LTBP4: variants seen among roughly 807,000 people sequenced by gnomAD.
The protein encoded by LTBP4 is latent-transforming growth factor beta-binding protein 4.
Under a neutral mutation model 180.2 loss-of-function variants are expected in LTBP4, and 93 were observed. The observed-to-expected ratio is 0.52, with a 90% confidence interval of 0.44 to 0.61. The LOEUF (loss-of-function observed/expected upper bound fraction) is 0.61, where lower values mean the gene tolerates loss of function less well. LTBP4 is among the 20% of genes least tolerant of loss of function. LTBP4 has a pLI of 0.00. For synonymous variants in LTBP4, 947 were observed against 934.5 expected (o/e 1.01, Z -0.24); for missense variants, 2,116 against 2,256.5 (o/e 0.94, Z 1.26).
chr19:40,605,877 G>T lies in LTBP4; in HGVS notation c.793+46G>T. The T allele has an allele frequency of 6.6e-7, 1 of 1,517,142 alleles. No homozygotes were observed. Among genetic ancestry groups the T allele is most frequent in the South Asian group, 1.2e-5 (1 of 83,344 alleles). 94.0% of individuals were successfully genotyped at this position (1,517,142 alleles called of 1,614,324 possible). On this transcript the variant is annotated intron_variant, in intron 4 of 29. Transcript: ENST00000396819. This position sits in a 1 kb window ranked among gnomAD's most constrained non-coding sequence, Gnocchi z 5.5. ...GAAGTGCTCGGAGCTGGGGAGTGGT[G>T]ACAACCTCACCGTTCCTCCTACTCT...
chr19:40,617,120 C>T lies in LTBP4; in HGVS notation c.2965C>T (p.Arg989Trp), dbSNP rs532885786. The T allele has an allele frequency of 3.2e-5, 51 of 1,614,000 alleles. No homozygotes were observed. The East Asian group carries it at 6.9e-4, about 22-fold the overall frequency. Residue 989 changes from arginine to tryptophan, a missense_variant, in exon 21 of 30, where the codon CGG becomes TGG. Around this residue, in one of 5 missense-constraint regions of LTBP4, gnomAD observed 278 missense variants for 373.0 expected, o/e 0.75. Coordinates refer to ENST00000396819, the MANE Select transcript of LTBP4 (RefSeq NM_001042545.2). ...GCQDVDECRN[R>W]SFCGAHAVCQ... Reference sequence around the variant, plus strand: ...TGCAGATGTGGACGAATGCCGGAACCGGTCCTTCTGCGGTGCCCACGCCGT... The same window carrying T: ...TGCAGATGTGGACGAATGCCGGAACTGGTCCTTCTGCGGTGCCCACGCCGT...
rs2081477692 is a variant in LTBP4, at chr19:40,608,275, C to A, written c.1212C>A (p.Asp404Glu). Residue 404 changes from aspartate (D) to glutamate (E), a missense_variant, in exon 8 of 30, where the codon GAC becomes GAA. Physicochemically the swap from Asp to Glu is conservative, Grantham distance 45 (BLOSUM62 2). Transcript: ENST00000396819. ...CTGGTTACCACTACTCGGCCTCCGA[C>A]CTCCGCTACAACACCAGACCCCTGG... ...AGPGYHYSAS[D>E]LRYNTRPLGQ... The A allele has an allele frequency of 6.2e-7, 1 of 1,613,942 alleles. No individual in the cohort carries two copies. Among genetic ancestry groups the A allele is most frequent in the Non-Finnish European group, 8.5e-7 (1 of 1,179,882 alleles).
Position 40,605,219 on chromosome 19 carries a change from C to T in LTBP4, c.435C>T (p.Asp145=), listed in dbSNP as rs2081450496. ...TGCCACTGGCCAACCACCGCGACGA[C>T]GAGCACGGTGAGGAAAGGGTGGCCA... is the stretch of plus-strand genomic sequence containing the variant. ...YTMPLANHRD[D]EHGVASMVSV... is the part of the protein sequence containing the mutation. The change falls in exon 2 of 30, where the codon GAC becomes GAT. Residue 145 remains aspartate (D), a synonymous_variant. Coordinates refer to ENST00000396819, the MANE Select transcript of LTBP4 (RefSeq NM_001042545.2). The surrounding 1 kb of genome is among the most constrained non-coding windows in gnomAD (Gnocchi z 5.5). 5 of 1,593,470 alleles carry T rather than the reference C, an allele frequency of 3.1e-6. No individual in the cohort carries two copies. Among genetic ancestry groups the T allele is most frequent in the Non-Finnish European group, 3.4e-6 (4 of 1,170,008 alleles).
chr19:40,625,110 T>C (rs2146047840), intron 26 of LTBP4, among the ~76,000 whole-genome samples: 1 of 150,250 alleles, frequency 6.7e-6, no homozygotes, highest in East Asian at 2.0e-4. Flanking sequence ...AAGATCTCGC[T>C]CTGTCATCCA....
chr19:40,608,677 C>G, intron 9 of LTBP4, 74 bp downstream of exon 9: 1 of 1,512,090 alleles, frequency 6.6e-7, no homozygotes, highest in Admixed American at 2.0e-5. Flanking sequence ...TTTTGGGAGG[C>G]TGAGGAGGGT....
At chr19:40,600,851 C>T (rs2081418403), upstream of LTBP4, among the ~76,000 whole-genome samples, 2 of 152,128 alleles carry the variant, frequency 1.3e-5, 1 homozygote, top group Admixed American at 1.3e-4. The surrounding 1 kb of genome is among the most constrained non-coding windows in gnomAD (Gnocchi z 4.4). Context: ...CAGCCTCCTG[C>T]CCAGGATCTA....
At chr19:40,599,469 A>T, upstream of LTBP4, 1 of 1,613,836 alleles carries the variant, frequency 6.2e-7, no homozygotes, top group Non-Finnish European at 8.5e-7. Flanking sequence ...GCAGGCCCCC[A>T]GCGGTGCCTG....
chr19:40,608,133 T>G, intron 7 of LTBP4, 87 bp from the exon 8 acceptor site: 3 of 1,472,144 alleles, frequency 2.0e-6, no homozygotes, highest in Non-Finnish European at 2.8e-6. Context: ...AGCCAAGCCC[T>G]GCCCCTAGCC....
intron 1 of LTBP4, among the ~76,000 whole-genome samples, chr19:40,604,346 A>T (rs1158225516): frequency 6.6e-6 from 1 of 151,862 alleles, no homozygotes; most frequent in Non-Finnish European, 1.5e-5. Context: ...AATGCGAAGG[A>T]GACAGAGTTG....
chr19:40,610,257 G>A, intron 11 of LTBP4: 1 of 533,952 alleles, frequency 1.9e-6, no homozygotes, highest in Non-Finnish European at 3.3e-6. Context: ...CCACACCAGA[G>A]CCCTATCCCC....
At position 40,622,740 on chromosome 19, in the gene LTBP4, C is replaced by T; in HGVS notation, c.3484+73C>T. 2 of 1,509,934 alleles carry T rather than the reference C, an allele frequency of 1.3e-6. No homozygotes were observed. Among genetic ancestry groups the T allele is most frequent in the Non-Finnish European group, 1.8e-6 (2 of 1,127,792 alleles). The allele number at this position is 1,509,934 out of a possible 1,614,324, so 93.5% of individuals were successfully genotyped here. A position where few individuals can be genotyped will look rare whatever the true frequency, so the allele number is the denominator to read the frequency against. On this transcript the variant is annotated intron_variant, in intron 23 of 29. Coordinates refer to ENST00000396819, the MANE Select transcript of LTBP4 (RefSeq NM_001042545.2). This position sits in a 1 kb window ranked among gnomAD's most constrained non-coding sequence, Gnocchi z 5.1. ...TACTGGGTGGGGTGTGGGCCTGGGACAGGGGACACTTTTGGACAGGGCCTT... is the reference window on the plus strand; with the variant it reads ...TACTGGGTGGGGTGTGGGCCTGGGATAGGGGACACTTTTGGACAGGGCCTT...
At chr19:40,600,270 GC>G (rs2081414642), upstream of LTBP4, 4 of 579,390 alleles carry the variant, frequency 6.9e-6, no homozygotes, top group Non-Finnish European at 1.1e-5. The surrounding 1 kb of genome is among the most constrained non-coding windows in gnomAD (Gnocchi z 4.4). Flanking sequence ...CCGCCTACCC[GC>G]CCCCCGTTGT....
At chr19:40,604,148 G>A (rs935381665) in intron 1 of LTBP4, among the ~76,000 whole-genome samples, 3 of 152,100 alleles carry the variant, frequency 2.0e-5, no homozygotes, top group Non-Finnish European at 2.9e-5. Flanking sequence ...GTGAACAAGT[G>A]AGCCGGGCGA....
rs1262613587 is a variant in LTBP4 at position 40,629,130 on chromosome 19, T to C, written c.4520-266T>C. Among the ~76,000 whole-genome samples, 1 of 152,192 alleles carries C rather than the reference T, an allele frequency of 6.6e-6. No individual in the cohort carries two copies. The highest frequency in any genetic ancestry group is 1.5e-5 in the Non-Finnish European group (1 of 68,034). On this transcript the variant is annotated intron_variant, in intron 29 of 29. Coordinates refer to ENST00000396819, the MANE Select transcript of LTBP4 (RefSeq NM_001042545.2). The surrounding 1 kb of genome is among the most constrained non-coding windows in gnomAD (Gnocchi z 4.5). ...TCCCAAAGTGCTGAGATTACAGGCATGAGCCACCGCGCCCGGCCATTATTA... is the reference window on the plus strand; with the variant it reads ...TCCCAAAGTGCTGAGATTACAGGCACGAGCCACCGCGCCCGGCCATTATTA...
intron 1 of LTBP4, among the ~76,000 whole-genome samples, chr19:40,604,505 G>T (rs2081445159): frequency 6.6e-6 from 1 of 152,156 alleles, no homozygotes; most frequent in South Asian, 2.1e-4. Context: ...CTGGAACTCC[G>T]TGGACTCAGC....
In LTBP4 at chr19:40,606,646, C is replaced by T. The variant is rs184621360; in HGVS notation, c.991+120C>T. The stretch of plus-strand genomic sequence containing the variant: ...CCAGACTCCCGGGTTCCTCTGTCAG[C>T]CTTAGAGCCCCCTCAGAACTTCTCA... On this transcript the variant is annotated intron_variant, in intron 6 of 29. Coordinates refer to ENST00000396819, the MANE Select transcript of LTBP4 (RefSeq NM_001042545.2). 4.0e-5 allele frequency: 50 copies of T among 1,236,246 alleles called. No homozygotes were observed. In the African/African-American group the frequency reaches 7.4e-4, roughly 18 times the overall value. The allele number at this position is 1,236,246 out of a possible 1,614,324, so 76.6% of individuals were successfully genotyped here. A position where few individuals can be genotyped will look rare whatever the true frequency, so the allele number is the denominator to read the frequency against.
chr19:40,595,759 C>A (rs1239296485), intron 1 of LTBP4, among the ~76,000 whole-genome samples: 2 of 151,946 alleles, frequency 1.3e-5, no homozygotes, highest in African/African-American at 2.4e-5. Context: ...CTCACTCTAT[C>A]GTCCAGGCTG....
At chr19:40,618,866 T>A (rs2081567277) in intron 21 of LTBP4, among the ~76,000 whole-genome samples, 1 of 152,206 alleles carries the variant, frequency 6.6e-6, no homozygotes, top group Non-Finnish European at 1.5e-5. Context: ...ACAAGGCTAT[T>A]TCTATCTTCT....
At position 40,601,491 on chromosome 19, in the gene LTBP4, G is replaced by A; in HGVS notation, c.104G>A (p.Arg35His). ...CGGCTCGGAGAGCGTCTCCGCGTGCGCTTCACCCCGGTCGTGTGCGGCCTG... is the reference window on the plus strand; with the variant it reads ...CGGCTCGGAGAGCGTCTCCGCGTGCACTTCACCCCGGTCGTGTGCGGCCTG... ...LGRLGERLRVRFTPVVCGLRC... is the reference protein window; with the variant it reads ...LGRLGERLRVHFTPVVCGLRC... Residue 35 changes from arginine (R) to histidine (H), a missense_variant, in exon 1 of 30, where the codon CGC becomes CAC. By Grantham distance (29) the Arg-to-His change is conservative (BLOSUM62 0). Around this residue, in one of 5 missense-constraint regions of LTBP4, gnomAD observed 469 missense variants for 532.5 expected, o/e 0.88. Transcript: ENST00000396819. 1.3e-6 allele frequency: 2 copies of A among 1,494,960 alleles called. No individual in the cohort carries two copies. Among genetic ancestry groups the A allele is most frequent in the South Asian group, 2.5e-5 (2 of 79,716 alleles). 92.6% of individuals were successfully genotyped at this position (1,494,960 alleles called of 1,614,324 possible).
Sources: gnomAD v4.1 joint callset for allele counts (sites outside exome capture counted in the v4.1 genomes callset) on GRCh38, gnomAD v4.1.1 for gene constraint, gnomAD v4.1.1 regional missense constraint, Gnocchi (gnomAD v3.1) non-coding constraint, MANE v1.5 for transcripts, NCBI Gene and HGNC (gene_info 2026-07-23, HGNC 2026-07-21) for gene names.